CCDC57: variants seen among roughly 807,000 people sequenced by gnomAD.
The protein encoded by CCDC57 is coiled-coil domain containing 57.
CCDC57 carries 118 observed loss-of-function variants against 118.9 expected under a neutral mutation model. The ratio of observed to expected loss-of-function variants is 0.99; its 90% CI spans 0.86 to 1.16. The LOEUF (loss-of-function observed/expected upper bound fraction) is 1.16, where lower values mean the gene tolerates loss of function less well. CCDC57 is among the 50% of genes most tolerant of loss of function. CCDC57 has a pLI of 0.00. For synonymous variants in CCDC57, 527 were observed against 532.9 expected (o/e 0.99, Z 0.15); for missense variants, 1,300 against 1,320.7 (o/e 0.98, Z 0.24).
At chr17:82,184,381 C>G (rs926157345) in intron 8 of CCDC57, among the ~76,000 whole-genome samples, 1 of 152,236 alleles carries the variant, frequency 6.6e-6, no homozygotes, top group African/African-American at 2.4e-5. Flanking sequence ...ACATTCAGCA[C>G]ATTTTCAAGT....
chr17:82,128,408 C>T (rs1340549199), intron 18 of CCDC57, 85 bp downstream of exon 17: 6 of 907,922 alleles, frequency 6.6e-6, no homozygotes, highest in African/African-American at 3.4e-5. Flanking sequence ...AAGGCCCCTC[C>T]GAGAGGCCCA....
intron 4 of CCDC57, among the ~76,000 whole-genome samples, chr17:82,195,588 G>A (rs144802561): frequency 3.0e-4 from 46 of 151,936 alleles, no homozygotes; most frequent in Non-Finnish European, 5.0e-4. Context: ...AGACCAGCCT[G>A]GGCAACACAG....
chr17:82,138,739 T>C (rs9674856), intron 16 of CCDC57, among the ~76,000 whole-genome samples: 147,316 of 151,906 alleles, frequency 0.97, 71,573 homozygotes, highest in East Asian at 1. Context: ...TCAGGTAACT[T>C]GTTCGTCTGA....
chr17:82,209,931 T>C (rs2050052849), intron 1 of CCDC57, among the ~76,000 whole-genome samples: 1 of 152,072 alleles, frequency 6.6e-6, no homozygotes, highest in Non-Finnish European at 1.5e-5. Flanking sequence ...GGTACTGGGA[T>C]CTTGGTTTCT....
At chr17:82,190,363 C>A (rs1265657959) in intron 7 of CCDC57, among the ~76,000 whole-genome samples, 3 of 152,200 alleles carry the variant, frequency 2.0e-5, no homozygotes, top group Non-Finnish European at 4.4e-5. Context: ...GAAAGTCATG[C>A]ATTTGCAAGA....
chr17:82,196,160 C>A (rs560705726), intron 4 of CCDC57, among the ~76,000 whole-genome samples: 21 of 152,236 alleles, frequency 1.4e-4, no homozygotes, highest in Admixed American at 1.3e-3. Context: ...TGCCAAGAGC[C>A]CCCCACCTGC....
At chr17:82,141,265 C>A (rs1016500703) in intron 16 of CCDC57, among the ~76,000 whole-genome samples, 1 of 150,794 alleles carries the variant, frequency 6.6e-6, no homozygotes, top group Non-Finnish European at 1.5e-5. Flanking sequence ...CTCACTGCAA[C>A]CTCTGCCACC....
intron 19 of CCDC57, chr17:82,113,668 C>G (rs1261848545): frequency 1.4e-6 from 1 of 716,736 alleles, no homozygotes; most frequent in African/African-American, 1.7e-5. Flanking sequence ...GCGTGGGGCC[C>G]ACACCTGTCA....
intron 19 of CCDC57, among the ~76,000 whole-genome samples, chr17:82,125,524 C>T (rs893331200): frequency 3.3e-5 from 5 of 152,052 alleles, no homozygotes; most frequent in East Asian, 3.9e-4. Flanking sequence ...TACAGGCATG[C>T]GCCACCAGGC....
At chr17:82,210,080 G>A (rs762580726) in intron 1 of CCDC57, among the ~76,000 whole-genome samples, 6 of 152,098 alleles carry the variant, frequency 3.9e-5, no homozygotes, top group African/African-American at 1.2e-4. Flanking sequence ...AGGTTGGGAC[G>A]TGCTATAAGG....
intron 19 of CCDC57, chr17:82,107,754 G>C: frequency 8.0e-6 from 3 of 376,058 alleles, no homozygotes; most frequent in South Asian, 5.7e-5. Flanking sequence ...TGGGCTGGAA[G>C]TCGTGGACCG....
At chr17:82,161,618 T>C (rs1028740092) in intron 14 of CCDC57, among the ~76,000 whole-genome samples, 16 of 152,344 alleles carry the variant, frequency 1.1e-4, no homozygotes, top group East Asian at 7.7e-4. Context: ...GAAAACATTC[T>C]ACTCAATGAA....
intron 16 of CCDC57, among the ~76,000 whole-genome samples, chr17:82,145,220 G>T (rs1364042494): frequency 6.7e-6 from 1 of 149,460 alleles, no homozygotes; most frequent in Non-Finnish European, 1.5e-5. Context: ...GTAGAGACGG[G>T]GTTTCATCAT....
intron 11 of CCDC57, among the ~76,000 whole-genome samples, chr17:82,174,432 G>C (rs2045202236): frequency 6.6e-6 from 1 of 152,164 alleles, no homozygotes; most frequent in Non-Finnish European, 1.5e-5. Flanking sequence ...ACCTAGCCTT[G>C]TTTCTCATGT....
intron 19 of CCDC57, chr17:82,106,368 G>T (rs1053353878): frequency 6.6e-6 from 1 of 152,508 alleles, no homozygotes; most frequent in Non-Finnish European, 1.5e-5. Flanking sequence ...CCCGACCAGA[G>T]CCCATCTGAG....
At chr17:82,191,108 T>TAAAAATA in intron 7 of CCDC57, among the ~76,000 whole-genome samples, 2 of 137,172 alleles carry the variant, frequency 1.5e-5, no homozygotes, top group East Asian at 2.5e-4. Flanking sequence ...GGCAAAAAAA[T>TAAAAATA]AAAAATAAAA....
chr17:82,158,817 C>T lies in CCDC57; in HGVS notation c.2041-869G>A, dbSNP rs182977384. Among the ~76,000 whole-genome samples the T allele has an allele frequency of 1.2e-3, 181 of 152,082 alleles. 1 individual carries two copies. The highest frequency in any genetic ancestry group is 4.3e-3 in the African/African-American group (180 of 41,498). ...AAGCGATCCTTCTGCCTCAGCCTCC[C>T]AAAGTGTTGGGATTACACGTGTGAG... is the stretch of plus-strand genomic sequence containing the variant. On this transcript the variant is annotated intron_variant, in intron 14 of 19. Coordinates refer to ENST00000665763, the Ensembl canonical transcript of CCDC57.
exon 9 of CCDC57, chr17:82,183,821 C>T: frequency 2.5e-6 from 4 of 1,601,292 alleles, no homozygotes; most frequent in Non-Finnish European, 3.4e-6. Flanking sequence ...TGAGCTTCAC[C>T]TCTTCTTCCT....
intron 9 of CCDC57, among the ~76,000 whole-genome samples, chr17:82,180,780 G>T (rs1296977809): frequency 3.3e-5 from 5 of 152,236 alleles, no homozygotes; most frequent in African/African-American, 1.2e-4. Context: ...CAGCCCCACA[G>T]ATACATTTTT....
Sources: allele counts gnomAD v4.1 joint callset (sites outside exome capture counted in the v4.1 genomes callset), GRCh38; gene constraint gnomAD v4.1.1; transcripts MANE v1.5; gene names NCBI Gene and HGNC (gene_info 2026-07-23, HGNC 2026-07-21).